Variants in SHLD2 observed in about 807,000 individuals in gnomAD.
SHLD2 encodes the protein shieldin complex subunit 2.
Under a neutral mutation model 73.2 loss-of-function variants are expected in SHLD2, and 30 were observed. The observed-to-expected ratio is 0.41, with a 90% CI of 0.31 to 0.56. The LOEUF is 0.56. Ranked by LOEUF, SHLD2 falls within the 20% of genes least tolerant of loss-of-function variation. The pLI is 0.28. For missense variants in SHLD2, 745 were observed against 1,055.9 expected (o/e 0.71, Z 4.08); for synonymous variants, 285 against 370.1 (o/e 0.77, Z 2.64).
chr10:87,148,493 G>A (rs1845780294), intron 2 of SHLD2, among the ~76,000 whole-genome samples: 1 of 150,790 alleles, frequency 6.6e-6, no homozygotes, highest in Non-Finnish European at 1.5e-5. Flanking sequence ...ATAGCAAAAT[G>A]GTTGGAGTAG....
At chr10:87,120,254 A>ATTTTTT (rs764204596) in intron 2 of SHLD2, among the ~76,000 whole-genome samples, 2 of 149,614 alleles carry the variant, frequency 1.3e-5, no homozygotes, top group Admixed American at 6.7e-5. Context: ...TTATTTATTT[A>ATTTTTT]TTTATTTTTT....
At chr10:87,125,013 G>C (rs1843895244) in intron 2 of SHLD2, among the ~76,000 whole-genome samples, 1 of 152,134 alleles carries the variant, frequency 6.6e-6, no homozygotes, top group South Asian at 2.1e-4. Context: ...AAAGTGTTAG[G>C]ATTTCAGGTG....
At chr10:87,151,221 C>A in intron 2 of SHLD2, 129 bp from the exon 3 acceptor site, 1 of 502,170 alleles carries the variant, frequency 2.0e-6, no homozygotes, top group Admixed American at 3.7e-5. Flanking sequence ...AATGGCATAT[C>A]AAAAAAATCA....
chr10:87,105,656 C>T (rs985490730), intron 2 of SHLD2, among the ~76,000 whole-genome samples: 2 of 152,246 alleles, frequency 1.3e-5, no homozygotes, highest in Non-Finnish European at 2.9e-5. Flanking sequence ...CAGATACCTA[C>T]TCTGCTCTTC....
At chr10:87,166,349 C>G (rs1589621593) in intron 4 of SHLD2, among the ~76,000 whole-genome samples, 1 of 147,976 alleles carries the variant, frequency 6.8e-6, no homozygotes, top group Non-Finnish European at 1.5e-5. Context: ...AATCACATTT[C>G]TAGAGTGACT....
At chr10:87,134,787 A>G (rs1844683898) in intron 2 of SHLD2, among the ~76,000 whole-genome samples, 1 of 152,154 alleles carries the variant, frequency 6.6e-6, no homozygotes, top group African/African-American at 2.4e-5. Context: ...TCAGCCACCA[A>G]GGACTGGGGA....
chr10:87,169,199 G>A lies in SHLD2; in HGVS notation c.1634-1279G>A, dbSNP rs191540218. 6.6e-5 allele frequency among the ~76,000 whole-genome samples: 10 copies of A among 152,204 alleles called. No individual in the cohort carries two copies. In the East Asian group the frequency reaches 1.5e-3, roughly 24 times the overall value. On this transcript the variant is annotated intron_variant, in intron 4 of 9. Transcript: ENST00000298786. ...AAGCTCTATCTTGTTCATGAAAAAC[G>A]AAGCCCAGAGAAGTTATGTACAAGT...
chr10:87,166,899 A>G lies in SHLD2; in HGVS notation c.1634-3579A>G, dbSNP rs539401992. Among the ~76,000 whole-genome samples the G allele has an allele frequency of 2.6e-5, 4 of 152,186 alleles. No individual in the cohort carries two copies. The East Asian group carries it at 7.7e-4, about 29-fold the overall frequency. The stretch of plus-strand genomic sequence containing the variant: ...TTTAATTTTGAGATTTCTGTAAAAG[A>G]TACAAGTTTAGTCTTTTATTATGTA... On this transcript the variant is annotated intron_variant, in intron 4 of 9. Transcript: ENST00000298786.
At chr10:87,185,383 C>A (rs1290065503) in intron 8 of SHLD2, among the ~76,000 whole-genome samples, 2 of 151,856 alleles carry the variant, frequency 1.3e-5, no homozygotes, top group African/African-American at 4.8e-5. Flanking sequence ...CATTTGTGTA[C>A]AAGTTTTTGT....
chr10:87,139,619 G>A (rs1457222204), intron 2 of SHLD2, among the ~76,000 whole-genome samples: 1 of 152,234 alleles, frequency 6.6e-6, no homozygotes, highest in Non-Finnish European at 1.5e-5. Flanking sequence ...ACACACTTGA[G>A]GGTGGGCAGA....
At chr10:87,130,762 G>A (rs1021978844) in intron 2 of SHLD2, among the ~76,000 whole-genome samples, 7 of 152,044 alleles carry the variant, frequency 4.6e-5, no homozygotes, top group African/African-American at 1.2e-4. Context: ...TTTAAATTTT[G>A]TTTATGCCTT....
chr10:87,131,074 AAAAC>A (rs768554967), intron 2 of SHLD2, among the ~76,000 whole-genome samples: 11 of 152,288 alleles, frequency 7.2e-5, no homozygotes, highest in Admixed American at 2.6e-4. Flanking sequence ...CTCAAAAACA[AAAAC>A]AAAAACCCCC....
chr10:87,144,776 G>A (rs1242654297), intron 2 of SHLD2, among the ~76,000 whole-genome samples: 45 of 133,518 alleles, frequency 3.4e-4, no homozygotes, highest in Middle Eastern at 5.1e-3. Flanking sequence ...ACAGGCGCCC[G>A]CCACCACGCC....
chr10:87,179,405 CT>C (rs60122400), intron 7 of SHLD2, among the ~76,000 whole-genome samples: 2,530 of 142,470 alleles, frequency 0.018, 38 homozygotes, highest in Middle Eastern at 0.072. Context: ...TCCTATTTGG[CT>C]TTTTTTTTTT....
At chr10:87,141,354 T>C (rs1845183806) in intron 2 of SHLD2, among the ~76,000 whole-genome samples, 1 of 141,254 alleles carries the variant, frequency 7.1e-6, no homozygotes, top group Non-Finnish European at 1.5e-5. Flanking sequence ...TTTTTTTTTT[T>C]CTGAGATGGA....
intron 4 of SHLD2, among the ~76,000 whole-genome samples, chr10:87,167,925 G>A (rs555831575): frequency 7.9e-5 from 12 of 152,240 alleles, no homozygotes; most frequent in African/African-American, 2.6e-4. Flanking sequence ...AATTACATGT[G>A]TGAGCCACCA....
At chr10:87,177,246 T>C (rs1030785095) in intron 7 of SHLD2, among the ~76,000 whole-genome samples, 4 of 151,970 alleles carry the variant, frequency 2.6e-5, no homozygotes, top group African/African-American at 9.7e-5. Flanking sequence ...AACTCTGTTA[T>C]TTACTGCTTA....
chr10:87,152,807 A>G lies in SHLD2; in HGVS notation c.1453A>G (p.Lys485Glu). ...TVIDQSETKK[K>E]VFLWRTAAFW... ...AATTGATCAATCAGAAACTAAGAAGAAGGTTTTTCTGTGGAGGACTGCAGC... is the reference window on the plus strand; with the variant it reads ...AATTGATCAATCAGAAACTAAGAAGGAGGTTTTTCTGTGGAGGACTGCAGC... The change falls in exon 3 of 10, where the codon AAG (lysine) becomes GAG (glutamate). Residue 485 changes from lysine to glutamate, a missense_variant. Around this residue, in one of 5 missense-constraint regions of SHLD2, gnomAD observed 418 missense variants for 567.8 expected, o/e 0.74. Coordinates refer to ENST00000298786, the MANE Select transcript of SHLD2 (RefSeq NM_001330112.2). 1.2e-6 allele frequency: 2 copies of G among 1,611,370 alleles called. No individual in the cohort carries two copies. Among genetic ancestry groups the G allele is most frequent in the African/African-American group, 2.7e-5 (2 of 74,910 alleles).
At chr10:87,094,612 T>C (rs1841670760), upstream of SHLD2, 1 of 1,610,354 alleles carries the variant, frequency 6.2e-7, no homozygotes, top group Non-Finnish European at 8.5e-7. This position sits in a 1 kb window ranked among gnomAD's most constrained non-coding sequence, Gnocchi z 6.6. Context: ...CGCCTCGCTG[T>C]AGTGGCGCCG....
Sources: gnomAD v4.1 joint callset for allele counts (sites outside exome capture counted in the v4.1 genomes callset) on GRCh38, gnomAD v4.1.1 for gene constraint, gnomAD v4.1.1 regional missense constraint, Gnocchi (gnomAD v3.1) non-coding constraint, MANE v1.5 for transcripts, NCBI Gene and HGNC (gene_info 2026-07-23, HGNC 2026-07-21) for gene names.